The following CLTB variants were observed in gnomAD, a reference collection of about 807,000 sequenced individuals.
The protein encoded by CLTB is clathrin, light chain (Lcb).
Under a neutral mutation model 30.5 loss-of-function variants are expected in CLTB, and 10 were observed. The observed-to-expected ratio is 0.33, with a 90% CI of 0.20 to 0.56. The LOEUF is 0.56. CLTB is among the 20% of genes least tolerant of loss of function. CLTB has a pLI of 0.91. For missense variants in CLTB, 261 were observed against 308.3 expected (o/e 0.85, Z 1.15); for synonymous variants, 102 against 120.3 (o/e 0.85, Z 1.00).
In CLTB at chr5:176,392,801, G is replaced by A; in HGVS notation, c.663C>T (p.Ser221=). The stretch of plus-strand genomic sequence containing the variant: ...AGCGGGACAGTGGCGTCTGCTTCAG[G>A]GACATGAGCACCGAGCGCAGGCGGG... ...DVSRLRSVLM[S]LKQTPLSR is the part of the protein sequence containing the mutation. The change falls in exon 6 of 6, where the codon TCC becomes TCT. Residue 221 remains serine, a synonymous_variant. Transcript: ENST00000310418. This position sits in a 1 kb window ranked among gnomAD's most constrained non-coding sequence, Gnocchi z 5.2. The A allele has an allele frequency of 6.2e-7, 1 of 1,614,214 alleles. No homozygotes were observed. The highest frequency in any genetic ancestry group is 1.3e-5 in the African/African-American group (1 of 75,066).
At chr5:176,409,864 A>G (rs1757337529) in intron 2 of CLTB, among the ~76,000 whole-genome samples, 1 of 152,194 alleles carries the variant, frequency 6.6e-6, no homozygotes, top group East Asian at 1.9e-4. Flanking sequence ...CCTTTGGGAA[A>G]ATTCTGGAAG....
At chr5:176,401,922 G>C (rs1183584090) in intron 2 of CLTB, 1 of 357,978 alleles carries the variant, frequency 2.8e-6, no homozygotes, top group Non-Finnish European at 5.6e-6. Context: ...ACCACTGCTG[G>C]TCTCTGCTTC....
At chr5:176,411,122 G>A (rs1292777865) in intron 1 of CLTB, among the ~76,000 whole-genome samples, 3 of 152,188 alleles carry the variant, frequency 2.0e-5, no homozygotes, top group Non-Finnish European at 4.4e-5. Flanking sequence ...CCAGAGACTT[G>A]CATGCACCTG....
Position 176,409,406 on chromosome 5 carries a change from CTTTTTTTTTTT to C in CLTB, c.234+840_234+850del, listed in dbSNP as rs34831947. ...GTCAATACAGGAAGATCTGATTGCCCTTTTTTTTTTTTTTTTTTTTTTTTCAGACAGAGTTT... is the reference window on the plus strand; with the variant it reads ...GTCAATACAGGAAGATCTGATTGCCCTTTTTTTTTTTTTCAGACAGAGTTT... On this transcript the variant is annotated intron_variant, in intron 2 of 5. Coordinates refer to ENST00000310418, the MANE Select transcript of CLTB (RefSeq NM_007097.5). 8.5e-4 allele frequency among the ~76,000 whole-genome samples: 68 copies of C among 79,660 alleles called. No homozygotes were observed. In the East Asian group the frequency reaches 0.021, roughly 24 times the overall value. 52.3% of individuals were successfully genotyped at this position (79,660 alleles called of 152,430 possible).
intron 1 of CLTB, 109 bp downstream of exon 1, chr5:176,416,068 C>T (rs1757675105): frequency 3.9e-6 from 4 of 1,021,152 alleles, no homozygotes; most frequent in Non-Finnish European, 5.4e-6. Context: ...TCTCCCAGCT[C>T]CTGCCCCGGG....
At chr5:176,401,540 G>A (rs937376528) in intron 2 of CLTB, among the ~76,000 whole-genome samples, 1 of 152,184 alleles carries the variant, frequency 6.6e-6, no homozygotes, top group African/African-American at 2.4e-5. Context: ...CAGTGCCCTT[G>A]TAGGGGAGGA....
intron 2 of CLTB, among the ~76,000 whole-genome samples, chr5:176,400,353 C>T (rs374473124): frequency 3.3e-5 from 5 of 152,230 alleles, no homozygotes; most frequent in South Asian, 4.1e-4. Context: ...AGAATTACTA[C>T]TATTATTATT....
intron 2 of CLTB, 66 bp from the exon 3 acceptor site, chr5:176,398,113 G>T: frequency 7.0e-7 from 1 of 1,427,668 alleles, no homozygotes; most frequent in Non-Finnish European, 9.9e-7. Flanking sequence ...TGCTGCCCCT[G>T]CTGGGGACCC....
At chr5:176,401,695 A>G (rs1306294945) in intron 2 of CLTB, 4 of 456,096 alleles carry the variant, frequency 8.8e-6, no homozygotes, top group African/African-American at 6.0e-5. Flanking sequence ...TGTGTTGCAC[A>G]GCATTTTCAC....
intron 2 of CLTB, chr5:176,406,446 A>G (rs1232961223): frequency 3.7e-5 from 43 of 1,176,840 alleles, no homozygotes; most frequent in Non-Finnish European, 4.5e-5. Flanking sequence ...CAAGAGGATG[A>G]GCCACATCCT....
Position 176,416,195 on chromosome 5 carries a change from G to C in CLTB, c.169C>G (p.Pro57Ala). The C allele has an allele frequency of 6.3e-7, 1 of 1,586,258 alleles. No individual in the cohort carries two copies. Among genetic ancestry groups the C allele is most frequent in the Non-Finnish European group, 8.5e-7 (1 of 1,170,176 alleles). ...GACTCACCCCCACTCGTGGGGCCCG[G>C]CTGCGCGGGGGCCGCATGGCTGCCG... ...PAGSHAAPAQ[P>A]GPTSGAGSED... The change falls in exon 1 of 6, where the codon CCG becomes GCG. Residue 57 changes from proline to alanine, a missense_variant. Around this residue, in one of 3 missense-constraint regions of CLTB, gnomAD observed 113 missense variants for 102.5 expected, o/e 1.10. Coordinates refer to ENST00000310418, the MANE Select transcript of CLTB (RefSeq NM_007097.5).
chr5:176,406,366 G>A (rs925800290), intron 2 of CLTB: 2 of 1,129,116 alleles, frequency 1.8e-6, no homozygotes, highest in East Asian at 8.1e-5. Flanking sequence ...GGGCCCCTCT[G>A]CTGGGCCCAC....
At chr5:176,408,332 C>G (rs1757241859) in intron 2 of CLTB, among the ~76,000 whole-genome samples, 2 of 151,036 alleles carry the variant, frequency 1.3e-5, no homozygotes, top group Non-Finnish European at 2.9e-5. Context: ...GTCAGGAGTT[C>G]GAGACCAGCC....
intron 1 of CLTB, among the ~76,000 whole-genome samples, chr5:176,413,241 G>A (rs1757536564): frequency 6.6e-6 from 1 of 152,168 alleles, no homozygotes; most frequent in African/African-American, 2.4e-5. Flanking sequence ...AAACCCCTGA[G>A]GGTTTGCTTC....
Position 176,411,454 on chromosome 5 carries a change from C to G in CLTB, c.188-1151G>C, listed in dbSNP as rs138135130. Among the ~76,000 whole-genome samples, 159 of 152,338 alleles carry G rather than the reference C, an allele frequency of 1.0e-3. 1 individual carries two copies. Among genetic ancestry groups the G allele is most frequent in the African/African-American group, 3.7e-3 (152 of 41,576 alleles). ...CTGCCTGGAAGGCTGCTCCCTCACT[C>G]CCTTCAGCTTCTGCTCAAATGCTGC... On this transcript the variant is annotated intron_variant, in intron 1 of 5. Transcript: ENST00000310418.
intron 2 of CLTB, among the ~76,000 whole-genome samples, chr5:176,400,206 A>C (rs1289032209): frequency 3.3e-5 from 5 of 149,594 alleles, no homozygotes; most frequent in Non-Finnish European, 5.9e-5. Flanking sequence ...TCAAAAAAAA[A>C]AAGAAAGAAA....
At position 176,392,722 on chromosome 5, in the gene CLTB, C is replaced by T; in HGVS notation, c.*52G>A. The stretch of plus-strand genomic sequence containing the variant: ...TCCACCCCGACCAAAGCAGCTGCTC[C>T]TCCTGTGCCCAGGCCCAGCCCATGC... On this transcript the variant is annotated 3_prime_UTR_variant, in exon 6 of 6. Transcript: ENST00000310418. This position sits in a 1 kb window ranked among gnomAD's most constrained non-coding sequence, Gnocchi z 5.2. 6.3e-7 allele frequency: 1 copy of T among 1,596,554 alleles called. No homozygotes were observed. Among genetic ancestry groups the T allele is most frequent in the Non-Finnish European group, 8.6e-7 (1 of 1,167,418 alleles).
intron 2 of CLTB, among the ~76,000 whole-genome samples, chr5:176,407,382 G>A (rs934428060): frequency 6.6e-6 from 1 of 152,190 alleles, no homozygotes; most frequent in African/African-American, 2.4e-5. Flanking sequence ...TCAGCTCACT[G>A]CAACCTCTGC....
Position 176,398,059 on chromosome 5 carries a change from A to C in CLTB, c.235-12T>G. 6.2e-7 allele frequency: 1 copy of C among 1,610,276 alleles called. No individual in the cohort carries two copies. Among genetic ancestry groups the C allele is most frequent in the South Asian group, 1.1e-5 (1 of 91,016 alleles). ...GGACCGTTGGCCTCCTAGAACACAA[A>C]CACGCAGCAGTCTATCCAGCCAGCA... is the stretch of plus-strand genomic sequence containing the variant. On this transcript the variant is annotated splice_polypyrimidine_tract_variant and intron_variant, in intron 2 of 5. Transcript: ENST00000310418.
Sources: gnomAD v4.1 joint callset for allele counts (sites outside exome capture counted in the v4.1 genomes callset) on GRCh38, gnomAD v4.1.1 for gene constraint, gnomAD v4.1.1 regional missense constraint, Gnocchi (gnomAD v3.1) non-coding constraint, MANE v1.5 for transcripts, NCBI Gene and HGNC (gene_info 2026-07-23, HGNC 2026-07-21) for gene names.